Variants in NFASC observed in about 807,000 individuals in gnomAD.
The protein encoded by NFASC is neurofascin.
Under a neutral mutation model 147.5 loss-of-function variants are expected in NFASC, and 43 were observed. The observed-to-expected ratio is 0.29, with a 90% CI of 0.23 to 0.38. The LOEUF (loss-of-function observed/expected upper bound fraction) is 0.38, where lower values mean the gene tolerates loss of function less well. Ranked by LOEUF, NFASC falls within the 10% of genes least tolerant of loss-of-function variation. NFASC has a pLI of 1.00. For missense variants in NFASC, 1,320 were observed against 1,689.0 expected (o/e 0.78, Z 3.83); for synonymous variants, 622 against 665.5 (o/e 0.93, Z 1.01).
At chr1:204,858,667 C>T (rs2076382662) in intron 1 of NFASC, among the ~76,000 whole-genome samples, 1 of 152,152 alleles carries the variant, frequency 6.6e-6, no homozygotes, top group Admixed American at 6.5e-5. Flanking sequence ...TCCTGCCTTC[C>T]CTGCTTTCTC....
rs983540079 is a variant in NFASC at position 204,981,688 on chromosome 1, G to A, written c.2248-110G>A. ...CCCTACCCTGCAAGGGGGCAGGCCA[G>A]TGTTGGGCACATCTGGAAGGGATGC... On this transcript the variant is annotated intron_variant, in intron 20 of 29. Coordinates refer to ENST00000339876, the MANE Select transcript of NFASC (RefSeq NM_001005388.3). 9 of 658,734 alleles carry A rather than the reference G, an allele frequency of 1.4e-5. No homozygotes were observed. In the African/African-American group the frequency reaches 1.5e-4, roughly 11 times the overall value. The allele number at this position is 658,734 out of a possible 1,614,324, so 40.8% of individuals were successfully genotyped here.
At chr1:204,942,041 A>G (rs1210979165) in intron 2 of NFASC, among the ~76,000 whole-genome samples, 3 of 152,130 alleles carry the variant, frequency 2.0e-5, no homozygotes, top group Non-Finnish European at 4.4e-5. Flanking sequence ...TCCCTCTCAC[A>G]GTTTTGAGGA....
intron 1 of NFASC, among the ~76,000 whole-genome samples, chr1:204,906,905 CA>C (rs2086113654): frequency 1.3e-5 from 2 of 151,310 alleles, no homozygotes; most frequent in African/African-American, 4.9e-5. Flanking sequence ...GGATGGTCTG[CA>C]TCTCCTGACC....
At chr1:204,963,447 T>C (rs912272954) in intron 8 of NFASC, among the ~76,000 whole-genome samples, 3 of 152,250 alleles carry the variant, frequency 2.0e-5, no homozygotes, top group African/African-American at 7.2e-5. Context: ...AGAGACCATC[T>C]GGTCTAAGTT....
chr1:204,973,233 C>A, intron 11 of NFASC, 43 bp from the exon 12 acceptor site: 1 of 1,609,524 alleles, frequency 6.2e-7, no homozygotes, highest in Non-Finnish European at 8.5e-7. Flanking sequence ...CTTCACCCTG[C>A]CCTCCCCATC....
At chr1:204,949,012 G>C (rs1259599842) in intron 3 of NFASC, among the ~76,000 whole-genome samples, 2 of 152,210 alleles carry the variant, frequency 1.3e-5, no homozygotes, top group Non-Finnish European at 2.9e-5. Context: ...GACGAGCTCC[G>C]GGGAGCATGT....
chr1:204,907,881 A>G (rs886247073), intron 1 of NFASC, among the ~76,000 whole-genome samples: 2 of 152,312 alleles, frequency 1.3e-5, no homozygotes, highest in Admixed American at 6.5e-5. Flanking sequence ...GCTTTTAAAT[A>G]CACCTGGGAA....
At position 204,980,362 on chromosome 1, in the gene NFASC, G is replaced by A; in HGVS notation, c.2177-8G>A. On this transcript the variant is annotated splice_polypyrimidine_tract_variant and splice_region_variant and intron_variant, in intron 19 of 29. Coordinates refer to ENST00000339876, the MANE Select transcript of NFASC (RefSeq NM_001005388.3). ...TTGGACTTGAGCCTGTGTCTGTTTGGGTTCCAGCCCCCGAGTCCAATCCTG... is the reference window on the plus strand; with the variant it reads ...TTGGACTTGAGCCTGTGTCTGTTTGAGTTCCAGCCCCCGAGTCCAATCCTG... 1.2e-6 allele frequency: 2 copies of A among 1,612,910 alleles called. No homozygotes were observed. Among genetic ancestry groups the A allele is most frequent in the Non-Finnish European group, 1.7e-6 (2 of 1,179,238 alleles).
chr1:204,850,555 C>T (rs2075579355), intron 1 of NFASC, among the ~76,000 whole-genome samples: 1 of 152,220 alleles, frequency 6.6e-6, no homozygotes, highest in African/African-American at 2.4e-5. Flanking sequence ...ATCATGGGCA[C>T]AGACGTCCCC....
At chr1:204,973,159 C>G (rs866813227) in intron 11 of NFASC, 117 bp from the exon 12 acceptor site, 1 of 1,053,148 alleles carries the variant, frequency 9.5e-7, no homozygotes, top group Middle Eastern at 2.9e-4. Flanking sequence ...ATCTGGCCCC[C>G]CATCTGGTGC....
rs1219974285 is a variant in NFASC, at chr1:204,986,953, C to T, written c.2471-465C>T. ...TCCACCCTGGCTTTCTGTCTCCTTA[C>T]CCCTGAACCCAACATTCTCAGCTCA... On this transcript the variant is annotated intron_variant, in intron 21 of 29. Transcript: ENST00000339876. This position sits in a 1 kb window ranked among gnomAD's most constrained non-coding sequence, Gnocchi z 4.2. The T allele has an allele frequency of 6.1e-6, 1 of 164,326 alleles. No individual in the cohort carries two copies. Among genetic ancestry groups the T allele is most frequent in the Non-Finnish European group, 1.3e-5 (1 of 76,234 alleles). 10.2% of individuals were successfully genotyped at this position (164,326 alleles called of 1,614,324 possible). A position where few individuals can be genotyped will look rare whatever the true frequency, so the allele number is the denominator to read the frequency against.
chr1:204,952,578 G>A lies in NFASC; in HGVS notation c.215+462G>A, dbSNP rs72751468. Reference sequence around the variant, plus strand: ...CTCTGTGTTAGGTTCTGTTACTCACGTTTTGTTCGACCACCTAACAGTGCT... The same window carrying A: ...CTCTGTGTTAGGTTCTGTTACTCACATTTTGTTCGACCACCTAACAGTGCT... On this transcript the variant is annotated intron_variant, in intron 5 of 29. Transcript: ENST00000339876. Among the ~76,000 whole-genome samples the A allele has an allele frequency of 5.2e-3, 785 of 152,234 alleles. 10 individuals carry two copies. The highest frequency in any genetic ancestry group is 9.8e-3 in the South Asian group (47 of 4,820).
intron 1 of NFASC, among the ~76,000 whole-genome samples, chr1:204,830,200 C>T (rs1476060999): frequency 6.6e-6 from 1 of 152,166 alleles, no homozygotes; most frequent in Non-Finnish European, 1.5e-5. Flanking sequence ...TCCAGCAAGG[C>T]AAGGGCAAGC....
chr1:204,835,289 T>G (rs1229805165), intron 1 of NFASC, among the ~76,000 whole-genome samples: 1 of 147,300 alleles, frequency 6.8e-6, no homozygotes, highest in African/African-American at 2.5e-5. Flanking sequence ...GGCACGATCT[T>G]GACTCACTGC....
intron 3 of NFASC, chr1:204,946,299 A>G (rs901734334): frequency 5.9e-6 from 3 of 512,388 alleles, no homozygotes; most frequent in African/African-American, 1.9e-5. Context: ...CTCATCGCAC[A>G]TGGTTCTGGC....
In NFASC at chr1:204,968,729, C is replaced by G; in HGVS notation, c.819-69C>G. 1 of 1,454,024 alleles carries G rather than the reference C, an allele frequency of 6.9e-7. No individual in the cohort carries two copies. Among genetic ancestry groups the G allele is most frequent in the Non-Finnish European group, 9.3e-7 (1 of 1,072,016 alleles). The allele number at this position is 1,454,024 out of a possible 1,614,324, so 90.1% of individuals were successfully genotyped here. On this transcript the variant is annotated intron_variant, in intron 9 of 29. Coordinates refer to ENST00000339876, the MANE Select transcript of NFASC (RefSeq NM_001005388.3). This position sits in a 1 kb window ranked among gnomAD's most constrained non-coding sequence, Gnocchi z 5.4. The stretch of plus-strand genomic sequence containing the variant: ...ATACTTTTAGGCCACCTGGGTGTCC[C>G]CAGCTGTATAGAAGAGGAGAAAGGC...
In NFASC at chr1:204,988,038, G is replaced by C. The variant is rs375239592; in HGVS notation, c.2593+498G>C. 5.3e-5 allele frequency among the ~76,000 whole-genome samples: 8 copies of C among 152,346 alleles called. 2 individuals carry two copies. On this transcript the variant is annotated intron_variant, in intron 22 of 29. Coordinates refer to ENST00000339876, the MANE Select transcript of NFASC (RefSeq NM_001005388.3). ...GGGTTGGAAAGACCCCACCTCAAGA[G>C]CTCAGCATCACCATGCAGGGACAGG...
chr1:204,927,183 T>G (rs996450929), intron 2 of NFASC, among the ~76,000 whole-genome samples: 12 of 152,266 alleles, frequency 7.9e-5, no homozygotes, highest in Admixed American at 3.3e-4. Flanking sequence ...AGGACATTTT[T>G]ATCGCCACTC....
At chr1:204,956,042 TCTC>T (rs2094409836) in intron 7 of NFASC, among the ~76,000 whole-genome samples, 1 of 152,104 alleles carries the variant, frequency 6.6e-6, no homozygotes, top group Non-Finnish European at 1.5e-5. Flanking sequence ...CAGTTCAACT[TCTC>T]CTCTCTCATC....
Sources: allele counts gnomAD v4.1 joint callset (sites outside exome capture counted in the v4.1 genomes callset), GRCh38; gene constraint gnomAD v4.1.1; non-coding constraint Gnocchi (gnomAD v3.1); transcripts MANE v1.5; gene names NCBI Gene and HGNC (gene_info 2026-07-23, HGNC 2026-07-21).